COL26A1: variants seen among roughly 807,000 people sequenced by gnomAD.
The protein encoded by COL26A1 is collagen type XXVI alpha 1 chain.
In COL26A1, 41 loss-of-function variants were observed where a neutral mutation model predicts 59.3. That is an observed-to-expected ratio of 0.69 (90% CI 0.54 to 0.90). The LOEUF is 0.90. COL26A1 is among the 40% of genes least tolerant of loss of function. The probability of loss-of-function intolerance (pLI) is 0.00; values close to 1 mark genes in which losing one functional copy is unlikely to be tolerated. For synonymous variants in COL26A1, 266 were observed against 256.0 expected (o/e 1.04, Z -0.37); for missense variants, 612 against 602.3 (o/e 1.02, Z -0.17).
At chr7:101,498,502 C>A (rs942714724) in intron 3 of COL26A1, among the ~76,000 whole-genome samples, 1 of 152,072 alleles carries the variant, frequency 6.6e-6, no homozygotes, top group Non-Finnish European at 1.5e-5. Context: ...TTGGGAGCCC[C>A]GGTTTCTCAC....
At chr7:101,422,393 A>T (rs1792544971) in intron 2 of COL26A1, among the ~76,000 whole-genome samples, 1 of 107,714 alleles carries the variant, frequency 9.3e-6, no homozygotes, top group East Asian at 2.5e-4. Flanking sequence ...AAAAAAAAAA[A>T]AGCTTTTTCC....
chr7:101,461,850 G>T (rs1346798862), intron 3 of COL26A1, among the ~76,000 whole-genome samples: 1 of 152,152 alleles, frequency 6.6e-6, no homozygotes, highest in African/African-American at 2.4e-5. Context: ...GGCCCAGACT[G>T]GGCAGAGCCA....
At chr7:101,500,783 T>C (rs1034776755) in intron 3 of COL26A1, among the ~76,000 whole-genome samples, 8 of 151,812 alleles carry the variant, frequency 5.3e-5, no homozygotes, top group Non-Finnish European at 1.2e-4. Flanking sequence ...ATCGCGCCAT[T>C]GCACCCCAGC....
chr7:101,483,359 G>A (rs944552093), intron 3 of COL26A1, among the ~76,000 whole-genome samples: 1 of 151,278 alleles, frequency 6.6e-6, no homozygotes, highest in African/African-American at 2.4e-5. Flanking sequence ...CACCGTACTC[G>A]GCTAATTTTT....
At position 101,558,193 on chromosome 7, in the gene COL26A1, C is replaced by G. The variant is rs918096661; in HGVS notation, c.*663C>G. On this transcript the variant is annotated 3_prime_UTR_variant, in exon 13 of 13. Coordinates refer to ENST00000313669, the MANE Select transcript of COL26A1 (RefSeq NM_001278563.3). ...GGCCTGGGGCTTCCCTTCCTCATCC[C>G]CCTTCCCCACTGGCTGGGGGAGCAG... 6.6e-6 allele frequency: 1 copy of G among 152,444 alleles called. No homozygotes were observed. The highest frequency in any genetic ancestry group is 2.4e-5 in the African/African-American group (1 of 41,468). The allele number at this position is 152,444 out of a possible 1,614,324, so 9.4% of individuals were successfully genotyped here.
At chr7:101,508,247 C>T (rs1374085917) in intron 3 of COL26A1, among the ~76,000 whole-genome samples, 1 of 152,130 alleles carries the variant, frequency 6.6e-6, no homozygotes, top group Non-Finnish European at 1.5e-5. Context: ...CCTGGCCAGG[C>T]GCGGTGGCCC....
intron 3 of COL26A1, among the ~76,000 whole-genome samples, chr7:101,489,315 A>G (rs1409699977): frequency 1.3e-5 from 2 of 152,192 alleles, no homozygotes; most frequent in Non-Finnish European, 2.9e-5. Context: ...CAGCTAGGGA[A>G]AGAGGTGCCA....
At chr7:101,421,841 C>T (rs1372240762) in intron 2 of COL26A1, among the ~76,000 whole-genome samples, 2 of 152,078 alleles carry the variant, frequency 1.3e-5, no homozygotes, top group Non-Finnish European at 2.9e-5. Context: ...TATCATATTG[C>T]TTGCAACAGT....
At chr7:101,363,271 C>G in intron 1 of COL26A1, 81 bp downstream of exon 1, 1 of 1,171,670 alleles carries the variant, frequency 8.5e-7, no homozygotes, top group South Asian at 1.9e-5. Context: ...GTGGCTGGAG[C>G]GAGGCTTGGG....
intron 1 of COL26A1, among the ~76,000 whole-genome samples, chr7:101,385,302 GGT>G (rs1197195471): frequency 2.1e-5 from 3 of 143,338 alleles, no homozygotes; most frequent in Non-Finnish European, 3.1e-5. Context: ...GTGTATATAC[GGT>G]GTGTGTGTAT....
intron 3 of COL26A1, among the ~76,000 whole-genome samples, chr7:101,489,876 T>C (rs1311180768): frequency 4.0e-5 from 3 of 75,846 alleles, no homozygotes; most frequent in African/African-American, 5.4e-5. Flanking sequence ...CTTTCTTTCT[T>C]TCTTTCTTTC....
intron 3 of COL26A1, among the ~76,000 whole-genome samples, chr7:101,455,553 AGTGCAATG>A (rs1336024340): frequency 7.3e-6 from 1 of 136,796 alleles, no homozygotes; most frequent in Non-Finnish European, 1.5e-5. Context: ...CCCAGGCTGG[AGTGCAATG>A]GTGCAATCTC....
chr7:101,479,968 C>A (rs1794122295), intron 3 of COL26A1, among the ~76,000 whole-genome samples: 1 of 152,044 alleles, frequency 6.6e-6, no homozygotes, highest in Non-Finnish European at 1.5e-5. Flanking sequence ...ACTATAATTT[C>A]TCTACTGTAC....
intron 3 of COL26A1, among the ~76,000 whole-genome samples, chr7:101,463,372 C>T (rs760216289): frequency 8.5e-5 from 13 of 152,080 alleles, no homozygotes; most frequent in Non-Finnish European, 1.9e-4. Flanking sequence ...GAATGATATT[C>T]CACTGTAGGG....
At chr7:101,385,329 C>G (rs1283291045) in intron 1 of COL26A1, among the ~76,000 whole-genome samples, 1 of 143,368 alleles carries the variant, frequency 7.0e-6, no homozygotes, top group Non-Finnish European at 1.6e-5. Flanking sequence ...ATACTCGACA[C>G]TAAATATGTA....
At chr7:101,387,852 C>T (rs1384607031) in intron 1 of COL26A1, among the ~76,000 whole-genome samples, 1 of 147,958 alleles carries the variant, frequency 6.8e-6, no homozygotes. Flanking sequence ...TCACTGCAAC[C>T]TCCATCTCCT....
chr7:101,475,603 AGTGTGTGTGTTCGATGT>A (rs1239147606), intron 3 of COL26A1, among the ~76,000 whole-genome samples: 1 of 151,564 alleles, frequency 6.6e-6, no homozygotes, highest in Non-Finnish European at 1.5e-5. Context: ...GCTGGACGCG[AGTGTGTGTGTTCGATGT>A]GTGTGTGCGT....
intron 1 of COL26A1, among the ~76,000 whole-genome samples, chr7:101,382,369 T>C (rs1220275570): frequency 6.6e-6 from 1 of 152,104 alleles, no homozygotes; most frequent in African/African-American, 2.4e-5. Flanking sequence ...GGCTGTGAGG[T>C]AGGGATTTAA....
At chr7:101,444,347 T>C (rs546623455) in intron 2 of COL26A1, among the ~76,000 whole-genome samples, 66 of 151,834 alleles carry the variant, frequency 4.3e-4, no homozygotes, top group African/African-American at 1.4e-3. Context: ...AAGGTCAGAG[T>C]AGATGATAGT....
Sources: allele counts gnomAD v4.1 joint callset (sites outside exome capture counted in the v4.1 genomes callset), GRCh38; gene constraint gnomAD v4.1.1; transcripts MANE v1.5; gene names NCBI Gene and HGNC (gene_info 2026-07-23, HGNC 2026-07-21).